CTNNBIP1: variants seen among roughly 807,000 people sequenced by gnomAD.
The protein encoded by CTNNBIP1 is catenin beta interacting protein 1, also known as beta-catenin-interacting protein 1.
A neutral mutation model predicts 11.8 loss-of-function variants in CTNNBIP1; 7 were observed. The ratio of observed to expected loss-of-function variants is 0.60; its 90% CI spans 0.34 to 1.12. The LOEUF is 1.12. Ranked by LOEUF, CTNNBIP1 falls within the 50% of genes most tolerant of loss-of-function variation. The pLI, the probability that CTNNBIP1 is intolerant of heterozygous loss-of-function variation, is 0.03. For synonymous variants in CTNNBIP1, 58 were observed against 43.9 expected, an observed-to-expected ratio of 1.32 and a Z score of -1.26; for missense variants, 101 against 113.4, an observed-to-expected ratio of 0.89 and a Z score of 0.50.
intron 1 of CTNNBIP1, among the ~76,000 whole-genome samples, chr1:9,888,863 A>T (rs987483608): frequency 1.3e-5 from 2 of 152,228 alleles, no homozygotes; most frequent in Admixed American, 1.3e-4. Context: ...CTCTCTGATG[A>T]AGGCCCTTTC....
rs1393874248 is a variant in CTNNBIP1 at position 9,867,391 on chromosome 1, G to A, written c.187+3796C>T. Among the ~76,000 whole-genome samples, 3 of 152,186 alleles carry A rather than the reference G, an allele frequency of 2.0e-5. No homozygotes were observed. The highest frequency in any genetic ancestry group is 7.2e-5 in the African/African-American group (3 of 41,448). On this transcript the variant is annotated intron_variant, in intron 5 of 5. Transcript: ENST00000377263. This position sits in a 1 kb window ranked among gnomAD's most constrained non-coding sequence, Gnocchi z 4.6. The stretch of plus-strand genomic sequence containing the variant: ...AATGTGACCGAGGAAGGAATCGAAG[G>A]GTAGGGGGTAAAGGGGTGCCCACGG...
At chr1:9,853,381 G>A (rs528354341) in intron 5 of CTNNBIP1, among the ~76,000 whole-genome samples, 7 of 152,212 alleles carry the variant, frequency 4.6e-5, no homozygotes, top group Non-Finnish European at 1.0e-4. Flanking sequence ...CGAGGACACT[G>A]GTTCCCCTTT....
intron 1 of CTNNBIP1, among the ~76,000 whole-genome samples, chr1:9,887,910 C>T (rs1032916597): frequency 6.6e-6 from 1 of 151,762 alleles, no homozygotes; most frequent in African/African-American, 2.4e-5. Context: ...CTGCAACCTC[C>T]GCCTCCCGGG....
At chr1:9,879,613 C>G (rs1405764756) in intron 2 of CTNNBIP1, among the ~76,000 whole-genome samples, 1 of 152,156 alleles carries the variant, frequency 6.6e-6, no homozygotes, top group Non-Finnish European at 1.5e-5. Context: ...ATTAATTGCT[C>G]TTTTATTCCT....
chr1:9,908,496 C>A (rs1282971154), intron 1 of CTNNBIP1, among the ~76,000 whole-genome samples: 1 of 150,286 alleles, frequency 6.7e-6, no homozygotes, highest in Non-Finnish European at 1.5e-5. Flanking sequence ...GCCTCAGCCT[C>A]TCCGAGTAGC....
intron 5 of CTNNBIP1, among the ~76,000 whole-genome samples, chr1:9,862,927 C>T (rs1210473720): frequency 6.6e-6 from 1 of 152,244 alleles, no homozygotes; most frequent in African/African-American, 2.4e-5. Context: ...ATGCCCCTCT[C>T]TGACAGGGCC....
intron 1 of CTNNBIP1, among the ~76,000 whole-genome samples, chr1:9,906,884 T>C (rs1410243415): frequency 6.6e-6 from 1 of 152,206 alleles, no homozygotes; most frequent in African/African-American, 2.4e-5. Context: ...ATTCAGACAC[T>C]GTGGACGATG....
rs1203574487 is a variant in CTNNBIP1 at position 9,883,177 on chromosome 1, C to A, written c.-110+528G>T. Among the ~76,000 whole-genome samples the A allele has an allele frequency of 6.6e-6, 1 of 152,130 alleles. No individual in the cohort carries two copies. On this transcript the variant is annotated intron_variant, in intron 2 of 5. Transcript: ENST00000377263. The surrounding 1 kb of genome is among the most constrained non-coding windows in gnomAD (Gnocchi z 5.6). ...TCTCTCTGGAAGGAAGTCCAACCTGCCAAGCGGAGGGCATTGGGCCCTGGT... is the reference window on the plus strand; with the variant it reads ...TCTCTCTGGAAGGAAGTCCAACCTGACAAGCGGAGGGCATTGGGCCCTGGT...
rs182334050 is a variant in CTNNBIP1, at chr1:9,887,622, G to A, written c.-143-3884C>T. Among the ~76,000 whole-genome samples the A allele has an allele frequency of 9.2e-5, 14 of 151,762 alleles. No individual in the cohort carries two copies. The East Asian group carries it at 2.7e-3, about 30-fold the overall frequency. Reference sequence around the variant, plus strand: ...GGAGGCTGAGGCAAGAGAATTGCTTGAACCCAGGAGGCAGAGGTTGCAGTG... The same window carrying A: ...GGAGGCTGAGGCAAGAGAATTGCTTAAACCCAGGAGGCAGAGGTTGCAGTG... On this transcript the variant is annotated intron_variant, in intron 1 of 5. Transcript: ENST00000377263.
intron 1 of CTNNBIP1, among the ~76,000 whole-genome samples, chr1:9,902,049 C>T (rs1396148367): frequency 6.6e-6 from 1 of 152,146 alleles, no homozygotes; most frequent in Non-Finnish European, 1.5e-5. Context: ...TGACCTTGGT[C>T]TTTGAAGAGA....
intron 1 of CTNNBIP1, among the ~76,000 whole-genome samples, chr1:9,905,029 T>C (rs1353175300): frequency 3.3e-5 from 5 of 152,180 alleles, no homozygotes; most frequent in Non-Finnish European, 7.3e-5. Context: ...CTCAATACTC[T>C]GGCTGGCCTC....
intron 1 of CTNNBIP1, among the ~76,000 whole-genome samples, chr1:9,901,166 C>T (rs1185126348): frequency 6.6e-6 from 1 of 152,176 alleles, no homozygotes; most frequent in African/African-American, 2.4e-5. Flanking sequence ...GAAAGAATAA[C>T]AGAAACCTAG....
At chr1:9,906,635 C>A (rs1639626122) in intron 1 of CTNNBIP1, among the ~76,000 whole-genome samples, 1 of 152,216 alleles carries the variant, frequency 6.6e-6, no homozygotes, top group Admixed American at 6.5e-5. Flanking sequence ...GCACCAGCAG[C>A]AGCTGTTCCC....
Position 9,853,974 on chromosome 1 carries a change from A to T in CTNNBIP1, c.188-3198T>A, listed in dbSNP as rs140787208. Reference sequence around the variant, plus strand: ...CAGGTGAGATTTATCCCAGGAATGCAAGGTTGGTTTAACATCTGAAAATCA... The same window carrying T: ...CAGGTGAGATTTATCCCAGGAATGCTAGGTTGGTTTAACATCTGAAAATCA... On this transcript the variant is annotated intron_variant, in intron 5 of 5. Transcript: ENST00000377263. Among the ~76,000 whole-genome samples, 575 of 152,352 alleles carry T rather than the reference A, an allele frequency of 3.8e-3. 3 individuals carry two copies. Among genetic ancestry groups the T allele is most frequent in the African/African-American group, 0.013 (550 of 41,582 alleles).
chr1:9,876,125 C>T (rs1486191680), intron 3 of CTNNBIP1, among the ~76,000 whole-genome samples: 1 of 152,222 alleles, frequency 6.6e-6, no homozygotes, highest in Non-Finnish European at 1.5e-5. Context: ...TAAACTAAAA[C>T]TGCAACTAAA....
intron 1 of CTNNBIP1, among the ~76,000 whole-genome samples, chr1:9,900,787 C>T (rs1486941635): frequency 6.6e-6 from 1 of 152,218 alleles, no homozygotes; most frequent in Non-Finnish European, 1.5e-5. Flanking sequence ...ATCACCAGCA[C>T]CTCATCTTCC....
At chr1:9,879,535 G>C (rs1639040241) in intron 2 of CTNNBIP1, among the ~76,000 whole-genome samples, 1 of 152,136 alleles carries the variant, frequency 6.6e-6, no homozygotes, top group African/African-American at 2.4e-5. Flanking sequence ...GGATAGGAGA[G>C]CTGTCACCCA....
Position 9,871,082 on chromosome 1 carries a change from T to C in CTNNBIP1, c.187+105A>G, listed in dbSNP as rs1246623189. ...CCCTCCTAGTCAGCCCTGGGTCTCA[T>C]GGATCACCCATCAAAGAGGGCTGGA... On this transcript the variant is annotated intron_variant, in intron 5 of 5. Transcript: ENST00000377263. This position sits in a 1 kb window ranked among gnomAD's most constrained non-coding sequence, Gnocchi z 5.2. The C allele has an allele frequency of 6.0e-6, 5 of 830,356 alleles. No homozygotes were observed. Among genetic ancestry groups the C allele is most frequent in the South Asian group, 5.0e-5 (3 of 60,568 alleles). The allele number at this position is 830,356 out of a possible 1,614,324, so 51.4% of individuals were successfully genotyped here. A position where few individuals can be genotyped will look rare whatever the true frequency, so the allele number is the denominator to read the frequency against.
rs557599868 is a variant in CTNNBIP1 at position 9,902,890 on chromosome 1, C to T, written c.-144+7205G>A. 3.9e-5 allele frequency among the ~76,000 whole-genome samples: 6 copies of T among 152,234 alleles called. No individual in the cohort carries two copies. In the East Asian group the frequency reaches 5.8e-4, roughly 15 times the overall value. On this transcript the variant is annotated intron_variant, in intron 1 of 5. Transcript: ENST00000377263. ...AAGCAATTCTCCTGCCTCAGCCTCC[C>T]GAGTAGCTGGGACTACAGGTGCGTA... is the stretch of plus-strand genomic sequence containing the variant.
Sources: allele counts gnomAD v4.1 joint callset (sites outside exome capture counted in the v4.1 genomes callset), GRCh38; gene constraint gnomAD v4.1.1; non-coding constraint Gnocchi (gnomAD v3.1); transcripts MANE v1.5; gene names NCBI Gene and HGNC (gene_info 2026-07-23, HGNC 2026-07-21).